The following SND1 variants were observed in gnomAD, a reference collection of about 807,000 sequenced individuals.
The protein encoded by SND1 is staphylococcal nuclease domain-containing protein 1.
A neutral mutation model predicts 121.7 loss-of-function variants in SND1; 38 were observed. The observed-to-expected ratio is 0.31, with a 90% CI of 0.24 to 0.41. The LOEUF is 0.41. SND1 is among the 10% of genes least tolerant of loss of function. The probability of loss-of-function intolerance (pLI) is 1.00; values close to 1 mark genes in which losing one functional copy is unlikely to be tolerated. For missense variants in SND1, 868 were observed against 1,184.6 expected, an observed-to-expected ratio of 0.73 and a Z score of 3.92; for synonymous variants, 401 against 447.4, an observed-to-expected ratio of 0.90 and a Z score of 1.31.
intron 1 of SND1, among the ~76,000 whole-genome samples, chr7:127,672,171 T>C (rs2116266212): frequency 6.6e-6 from 1 of 152,308 alleles, no homozygotes; most frequent in Non-Finnish European, 1.5e-5. Flanking sequence ...ATTTTTTTTT[T>C]CTGAATTATT....
At chr7:127,769,248 G>GT (rs572439921) in intron 10 of SND1, among the ~76,000 whole-genome samples, 8,213 of 146,212 alleles carry the variant, frequency 0.056, 499 homozygotes, top group African/African-American at 0.15. Context: ...TAGGTAGAGT[G>GT]TTTTTTTTTT....
chr7:127,692,365 G>A (rs768703227), intron 2 of SND1: 3 of 152,236 alleles, frequency 2.0e-5, no homozygotes, highest in Non-Finnish European at 4.4e-5. Context: ...TTGCTTCTTA[G>A]ATGGGACTCT....
At chr7:127,879,974 G>T (rs1436305005) in intron 12 of SND1, among the ~76,000 whole-genome samples, 5 of 152,198 alleles carry the variant, frequency 3.3e-5, no homozygotes, top group Non-Finnish European at 7.4e-5. Context: ...TGAAGTAGTA[G>T]TTCCCCTTGA....
chr7:127,680,838 G>T (rs965186561), intron 1 of SND1, among the ~76,000 whole-genome samples: 1 of 151,708 alleles, frequency 6.6e-6, no homozygotes, highest in Admixed American at 6.6e-5. Context: ...ATTGATTGGG[G>T]AATTGATAAG....
chr7:127,885,429 C>T (rs1210266148), intron 12 of SND1, among the ~76,000 whole-genome samples: 1 of 152,056 alleles, frequency 6.6e-6, no homozygotes, highest in East Asian at 1.9e-4. Context: ...GGATAAGAAG[C>T]TAAGAGAACA....
chr7:127,900,481 G>T (rs1038618164), intron 13 of SND1, among the ~76,000 whole-genome samples: 1 of 152,202 alleles, frequency 6.6e-6, no homozygotes, highest in African/African-American at 2.4e-5. Context: ...CATGAAATGT[G>T]TGCAGATTCT....
intron 11 of SND1, among the ~76,000 whole-genome samples, chr7:127,824,314 G>A (rs1798605469): frequency 1.3e-5 from 2 of 152,194 alleles, no homozygotes; most frequent in Admixed American, 6.5e-5. Flanking sequence ...ATTCTTCAAG[G>A]AAAGGCAGTT....
At chr7:127,696,946 A>G (rs1796015660) in intron 3 of SND1, among the ~76,000 whole-genome samples, 1 of 152,242 alleles carries the variant, frequency 6.6e-6, no homozygotes, top group South Asian at 2.1e-4. Flanking sequence ...TTAATGTTTA[A>G]TATTTTCACT....
At chr7:127,996,725 G>A (rs923711700) in intron 16 of SND1, among the ~76,000 whole-genome samples, 1 of 152,162 alleles carries the variant, frequency 6.6e-6, no homozygotes, top group African/African-American at 2.4e-5. Context: ...AGGCTGTCCG[G>A]CAATGTTTCA....
intron 1 of SND1, among the ~76,000 whole-genome samples, chr7:127,669,501 CT>C (rs1795477920): frequency 6.6e-6 from 1 of 152,328 alleles, no homozygotes; most frequent in African/African-American, 2.4e-5. Flanking sequence ...TGTCTTCCCA[CT>C]TTCCTCAGTC....
At chr7:127,685,453 A>G (rs1469850018) in intron 1 of SND1, among the ~76,000 whole-genome samples, 1 of 152,232 alleles carries the variant, frequency 6.6e-6, no homozygotes, top group Non-Finnish European at 1.5e-5. Flanking sequence ...TTTCAGATCT[A>G]GTGAAGCCAG....
At chr7:127,938,339 A>G (rs1485100475) in intron 15 of SND1, among the ~76,000 whole-genome samples, 1 of 152,216 alleles carries the variant, frequency 6.6e-6, no homozygotes, top group Non-Finnish European at 1.5e-5. Context: ...TAAATTTTGG[A>G]TGATACATAA....
Position 128,078,861 on chromosome 7 carries a change from C to T in SND1, c.1969-2499C>T, listed in dbSNP as rs139667772. On this transcript the variant is annotated intron_variant, in intron 17 of 23. Transcript: ENST00000354725. Reference sequence around the variant, plus strand: ...CCACTCAGGAACCAGCACAGAATGCCGGTCTCTGTTAACAAGCTCAGTGCC... The same window carrying T: ...CCACTCAGGAACCAGCACAGAATGCTGGTCTCTGTTAACAAGCTCAGTGCC... Among the ~76,000 whole-genome samples the T allele has an allele frequency of 5.3e-5, 8 of 152,366 alleles. No individual in the cohort carries two copies. The South Asian group carries it at 6.2e-4, about 12-fold the overall frequency.
chr7:127,789,277 CAATT>C (rs1372949652), intron 10 of SND1, among the ~76,000 whole-genome samples: 1 of 152,178 alleles, frequency 6.6e-6, no homozygotes, highest in Non-Finnish European at 1.5e-5. Flanking sequence ...ATAGTTCTAT[CAATT>C]GTCTGTCAGT....
intron 21 of SND1, among the ~76,000 whole-genome samples, chr7:128,087,668 A>G (rs973279232): frequency 6.6e-6 from 1 of 151,600 alleles, no homozygotes. Context: ...TCAGTTGGGG[A>G]GTGAGATGAG....
rs149456906 is a variant in SND1 at position 127,861,492 on chromosome 7, T to G, written c.1343+17068T>G. 5.9e-3 allele frequency among the ~76,000 whole-genome samples: 894 copies of G among 152,322 alleles called. 16 individuals are homozygous for G. Among genetic ancestry groups the G allele is most frequent in the African/African-American group, 0.02 (852 of 41,568 alleles). ...TGTTTCGTTTTTGTTTTTTGTTTTTTGAGACAGAGTCTCACTCTGTTGCCT... is the reference window on the plus strand; with the variant it reads ...TGTTTCGTTTTTGTTTTTTGTTTTTGGAGACAGAGTCTCACTCTGTTGCCT... On this transcript the variant is annotated intron_variant, in intron 12 of 23. Coordinates refer to ENST00000354725, the MANE Select transcript of SND1 (RefSeq NM_014390.4).
chr7:127,758,121 T>C (rs576226994), intron 10 of SND1, among the ~76,000 whole-genome samples: 2 of 152,368 alleles, frequency 1.3e-5, no homozygotes, highest in African/African-American at 4.8e-5. Flanking sequence ...TACATAGAAG[T>C]GATCATAGTT....
In SND1 at chr7:128,084,804, C is replaced by T. The variant is rs755289729; in HGVS notation, c.2191C>T (p.Arg731Cys). The part of the protein sequence containing the change: ...HPPVEGSYAP[R>C]RGEFCIAKFV... The stretch of plus-strand genomic sequence containing the variant: ...CCCTGTAGAGGGCTCCTATGCCCCC[C>T]GCAGGGGAGAGTTCTGCATTGCCAA... The change falls in exon 19 of 24, where the codon CGC becomes TGC. Residue 731 changes from arginine to cysteine, a missense_variant. Arg to Cys is a radical substitution (Grantham distance 180). Around this residue, in one of 2 missense-constraint regions of SND1, gnomAD observed 743 missense variants for 1,071.3 expected, o/e 0.69. Transcript: ENST00000354725. 2.5e-6 allele frequency: 4 copies of T among 1,607,334 alleles called. No individual in the cohort carries two copies. The highest frequency in any genetic ancestry group is 1.7e-5 in the Admixed American group (1 of 59,602).
At position 127,887,952 on chromosome 7, in the gene SND1, A is replaced by G; in HGVS notation, c.1394A>G (p.Tyr465Cys). ...AAAGGTCTAGCCACAGTGATCAGAT[A>G]CCGGCAGGATGATGACCAGAGATCA... ...VSKGLATVIR[Y>C]RQDDDQRSSH... The change falls in exon 13 of 24, where the codon TAC becomes TGC. Residue 465 changes from tyrosine to cysteine, a missense_variant. Around this residue, in one of 2 missense-constraint regions of SND1, gnomAD observed 743 missense variants for 1,071.3 expected, o/e 0.69. Coordinates refer to ENST00000354725, the MANE Select transcript of SND1 (RefSeq NM_014390.4). The G allele has an allele frequency of 6.2e-7, 1 of 1,612,422 alleles. No individual in the cohort carries two copies. The highest frequency in any genetic ancestry group is 1.1e-5 in the South Asian group (1 of 91,042).
Sources: allele counts gnomAD v4.1 joint callset (sites outside exome capture counted in the v4.1 genomes callset), GRCh38; gene constraint gnomAD v4.1.1; regional missense constraint gnomAD v4.1.1; transcripts MANE v1.5; gene names NCBI Gene and HGNC (gene_info 2026-07-23, HGNC 2026-07-21).